RAD54L: variants seen among roughly 807,000 people sequenced by gnomAD.
RAD54L encodes RAD54 like.
A neutral mutation model predicts 91.6 loss-of-function variants in RAD54L; 74 were observed. The observed-to-expected ratio is 0.81, with a 90% CI of 0.67 to 0.98. RAD54L has a LOEUF of 0.98. Ranked by LOEUF, RAD54L falls within the 50% of genes least tolerant of loss-of-function variation. The pLI, the probability that RAD54L is intolerant of heterozygous loss-of-function variation, is 0.00. For synonymous variants in RAD54L, 304 were observed against 349.7 expected, an observed-to-expected ratio of 0.87 and a Z score of 1.46; for missense variants, 887 against 945.7, an observed-to-expected ratio of 0.94 and a Z score of 0.81.
At chr1:46,257,631 C>T (rs1032182910) in intron 3 of RAD54L, among the ~76,000 whole-genome samples, 3 of 152,230 alleles carry the variant, frequency 2.0e-5, no homozygotes, top group Non-Finnish European at 4.4e-5. Flanking sequence ...CTAGGACCCA[C>T]ATATGTCTAC....
At position 46,247,772 on chromosome 1, in the gene RAD54L, C is replaced by G. The variant is rs1014015374; in HGVS notation, c.-634C>G. The G allele has an allele frequency of 6.2e-6, 1 of 160,158 alleles. No homozygotes were observed. The highest frequency in any genetic ancestry group is 5.9e-5 in the Admixed American group (1 of 16,960). The allele number at this position is 160,158 out of a possible 1,614,324, so 9.9% of individuals were successfully genotyped here. On this transcript the variant is annotated 5_prime_UTR_variant, in exon 1 of 18. Transcript: ENST00000371975. ...GTGAGTCTTGGCGGCTGTTAACGCG[C>G]GCTTTGGGAACAGGAAGGTTGAGAG...
chr1:46,264,725 C>T (rs867113253), intron 8 of RAD54L, among the ~76,000 whole-genome samples: 1 of 152,210 alleles, frequency 6.6e-6, no homozygotes, highest in Non-Finnish European at 1.5e-5. Flanking sequence ...GTTCTCCTAG[C>T]GAGTACATAG....
rs1660187345 is a variant in RAD54L, at chr1:46,263,466, G to C, written c.891+2081G>C. On this transcript the variant is annotated intron_variant, in intron 8 of 17. Coordinates refer to ENST00000371975, the MANE Select transcript of RAD54L (RefSeq NM_003579.4). The surrounding 1 kb of genome is among the most constrained non-coding windows in gnomAD (Gnocchi z 4.3). ...CAGTTGTCAGGCTAGGCTCAGCTCT[G>C]GGTACTGTAGATTAGCCCAGTTGTC... Among the ~76,000 whole-genome samples the C allele has an allele frequency of 6.6e-6, 1 of 152,190 alleles. No homozygotes were observed. The highest frequency in any genetic ancestry group is 2.1e-4 in the South Asian group (1 of 4,826).
intron 8 of RAD54L, among the ~76,000 whole-genome samples, chr1:46,262,142 G>A (rs868600930): frequency 3.3e-5 from 5 of 151,870 alleles, no homozygotes; most frequent in Admixed American, 6.6e-5. Context: ...GACCGGGCGC[G>A]GTGGCTCACA....
In RAD54L at chr1:46,277,860, A is replaced by G; in HGVS notation, c.1913A>G (p.Lys638Arg). ...EEKIFQRQSH[K>R]KALSSCVVDE... is the part of the protein sequence containing the mutation. ...AAGATCTTCCAGCGTCAGAGCCACA[A>G]GAAGGCACTGAGCAGCTGTGTGGTG... The change falls in exon 17 of 18, where the codon AAG becomes AGG. Residue 638 changes from lysine to arginine, a missense_variant. By Grantham distance (26) the Lys-to-Arg change is conservative (BLOSUM62 2). Transcript: ENST00000371975. The G allele has an allele frequency of 6.2e-7, 1 of 1,613,054 alleles. No individual in the cohort carries two copies. The highest frequency in any genetic ancestry group is 8.5e-7 in the Non-Finnish European group (1 of 1,179,116).
chr1:46,274,544 G>A lies in RAD54L; in HGVS notation c.1696G>A (p.Asp566Asn). The change falls in exon 16 of 18, where the codon GAC becomes AAC. Residue 566 changes from aspartate to asparagine, a missense_variant. Transcript: ENST00000371975. The stretch of plus-strand genomic sequence containing the variant: ...CTGTTTCTTCTCTTTCCAGAGCCCT[G>A]ACTTTGTCTTCATGCTGAGCAGCAA... ...VERFNSPSSPDFVFMLSSKAG... is the reference protein window; with the variant it reads ...VERFNSPSSPNFVFMLSSKAG... 6.2e-7 allele frequency: 1 copy of A among 1,612,756 alleles called. No homozygotes were observed. The highest frequency in any genetic ancestry group is 1.7e-5 in the Admixed American group (1 of 60,024).
rs531767313 is a variant in RAD54L at position 46,276,370 on chromosome 1, G to A, written c.1870-1447G>A. Among the ~76,000 whole-genome samples, 4 of 152,084 alleles carry A rather than the reference G, an allele frequency of 2.6e-5. No homozygotes were observed. The South Asian group carries it at 8.3e-4, about 32-fold the overall frequency. On this transcript the variant is annotated intron_variant, in intron 16 of 17. Coordinates refer to ENST00000371975, the MANE Select transcript of RAD54L (RefSeq NM_003579.4). ...TGTAGAGAAGGGGTCTTGCTATGTT[G>A]CCTAGGCTGGTCTCGAACATCTGGA...
At chr1:46,249,854 A>C in intron 2 of RAD54L, 146 bp from the exon 3 acceptor site, 2 of 848,618 alleles carry the variant, frequency 2.4e-6, no homozygotes, top group Non-Finnish European at 3.9e-6. Flanking sequence ...TCTACATAAT[A>C]GAGTTGCTAT....
chr1:46,251,906 G>A (rs1055362858), intron 3 of RAD54L, among the ~76,000 whole-genome samples: 17 of 152,114 alleles, frequency 1.1e-4, no homozygotes, highest in Non-Finnish European at 1.3e-4. Context: ...GCGAGACCCC[G>A]TCTCAAAAGA....
At chr1:46,255,094 G>C (rs1259164578) in intron 3 of RAD54L, among the ~76,000 whole-genome samples, 1 of 152,224 alleles carries the variant, frequency 6.6e-6, no homozygotes, top group Non-Finnish European at 1.5e-5. Context: ...ATCTTGGCCA[G>C]AGTGGAAGGG....
At chr1:46,273,328 T>C in intron 12 of RAD54L, 27 bp from the exon 13 acceptor site, 2 of 1,564,402 alleles carry the variant, frequency 1.3e-6, no homozygotes, top group Non-Finnish European at 1.8e-6. Flanking sequence ...AAGCAAAGTA[T>C]CTGGGTTTTG....
At chr1:46,273,207 T>C (rs1660486785) in intron 12 of RAD54L, 148 bp from the exon 13 acceptor site, 1 of 779,948 alleles carries the variant, frequency 1.3e-6, no homozygotes, top group Admixed American at 1.8e-5. Flanking sequence ...ACCGACTATA[T>C]CCTGTTGGAA....
rs770214317 is a variant in RAD54L, at chr1:46,267,484, A to G, written c.917A>G (p.Asn306Ser). Reference sequence around the variant, plus strand: ...GGACACAGGCTCAAGAACTCTGAGAATCAGACTTACCAAGCCCTGGACAGC... The same window carrying G: ...GGACACAGGCTCAAGAACTCTGAGAGTCAGACTTACCAAGCCCTGGACAGC... ...DEGHRLKNSE[N>S]QTYQALDSLN... Residue 306 changes from asparagine (N) to serine (S), a missense_variant, in exon 9 of 18, where the codon AAT becomes AGT. Transcript: ENST00000371975. 6.2e-7 allele frequency: 1 copy of G among 1,614,150 alleles called. No individual in the cohort carries two copies. The highest frequency in any genetic ancestry group is 8.5e-7 in the Non-Finnish European group (1 of 1,180,026).
rs1371366925 is a variant in RAD54L at position 46,262,616 on chromosome 1, T to C, written c.891+1231T>C. On this transcript the variant is annotated intron_variant, in intron 8 of 17. Coordinates refer to ENST00000371975, the MANE Select transcript of RAD54L (RefSeq NM_003579.4). ...GAGGAAGAAGTCAAATACACATTTGTCTGGGAGGGAGGATTTCTAGTCTTG... is the reference window on the plus strand; with the variant it reads ...GAGGAAGAAGTCAAATACACATTTGCCTGGGAGGGAGGATTTCTAGTCTTG... Among the ~76,000 whole-genome samples, 3 of 152,132 alleles carry C rather than the reference T, an allele frequency of 2.0e-5. No individual in the cohort carries two copies. In the East Asian group the frequency reaches 5.8e-4, roughly 29 times the overall value.
intron 8 of RAD54L, among the ~76,000 whole-genome samples, chr1:46,264,017 G>C (rs762900549): frequency 6.6e-5 from 10 of 152,092 alleles, no homozygotes; most frequent in African/African-American, 9.7e-5. Flanking sequence ...GGCTAGTCTC[G>C]AACTCCTGGC....
chr1:46,275,794 A>T (rs538572431), intron 16 of RAD54L, among the ~76,000 whole-genome samples: 24 of 152,190 alleles, frequency 1.6e-4, no homozygotes, highest in Non-Finnish European at 3.5e-4. Flanking sequence ...GAGACTATGA[A>T]TTTTTCCTCT....
chr1:46,249,031 C>G (rs1031115643), intron 2 of RAD54L, among the ~76,000 whole-genome samples: 1 of 152,208 alleles, frequency 6.6e-6, no homozygotes, highest in Non-Finnish European at 1.5e-5. Flanking sequence ...CTTGCTCATA[C>G]TCAAGTACAG....
At chr1:46,250,463 A>G (rs1429094639) in intron 3 of RAD54L, among the ~76,000 whole-genome samples, 1 of 152,192 alleles carries the variant, frequency 6.6e-6, no homozygotes, top group African/African-American at 2.4e-5. Flanking sequence ...AGTCAAACTT[A>G]ATCACCACCA....
At chr1:46,277,453 G>C (rs749377382) in intron 16 of RAD54L, 4 of 343,984 alleles carry the variant, frequency 1.2e-5, no homozygotes, top group Non-Finnish European at 2.2e-5. Context: ...GTCAGCACAG[G>C]GTCTGGAATA....
Sources: gnomAD v4.1 joint callset for allele counts (sites outside exome capture counted in the v4.1 genomes callset) on GRCh38, gnomAD v4.1.1 for gene constraint, Gnocchi (gnomAD v3.1) non-coding constraint, MANE v1.5 for transcripts, NCBI Gene and HGNC (gene_info 2026-07-23, HGNC 2026-07-21) for gene names.